Variants in PIK3C2G observed in about 807,000 individuals in gnomAD.
The protein encoded by PIK3C2G is phosphatidylinositol 3-kinase C2 domain-containing subunit gamma.
In PIK3C2G, 168 loss-of-function variants were observed where a neutral mutation model predicts 181.1. That is an observed-to-expected ratio of 0.93 (90% CI 0.82 to 1.05). PIK3C2G has a LOEUF of 1.05. Among genes scored for constraint, PIK3C2G ranks in the 50% least tolerant of loss-of-function variants. PIK3C2G has a pLI of 0.00. For missense variants in PIK3C2G, 1,869 were observed against 1,732.8 expected, an observed-to-expected ratio of 1.08 and a Z score of -1.40; for synonymous variants, 573 against 592.2, an observed-to-expected ratio of 0.97 and a Z score of 0.47.
At chr12:18,389,641 A>C (rs1218831965) in intron 14 of PIK3C2G, among the ~76,000 whole-genome samples, 1 of 152,198 alleles carries the variant, frequency 6.6e-6, no homozygotes, top group Non-Finnish European at 1.5e-5. Context: ...GTTTTGGGGA[A>C]GTTTTCTCTT....
intron 18 of PIK3C2G, among the ~76,000 whole-genome samples, chr12:18,467,549 T>A (rs984167583): frequency 6.6e-6 from 1 of 151,836 alleles, no homozygotes; most frequent in South Asian, 2.1e-4. Context: ...CAAGAACCAA[T>A]GTAAGACAAG....
intron 32 of PIK3C2G, among the ~76,000 whole-genome samples, chr12:18,640,835 C>T (rs1224659255): frequency 6.6e-6 from 1 of 152,130 alleles, no homozygotes; most frequent in African/African-American, 2.4e-5. Flanking sequence ...TTCCTGACTT[C>T]ATCTTATTTT....
intron 26 of PIK3C2G, among the ~76,000 whole-genome samples, chr12:18,549,224 A>T (rs993545005): frequency 1.3e-5 from 2 of 152,046 alleles, no homozygotes; most frequent in Non-Finnish European, 2.9e-5. Context: ...ACTGTCTTGT[A>T]TATCAGTTTA....
intron 26 of PIK3C2G, among the ~76,000 whole-genome samples, chr12:18,547,747 G>GCC (rs147525209): frequency 1.1e-3 from 171 of 152,066 alleles, no homozygotes; most frequent in Non-Finnish European, 1.5e-3. Context: ...CTTGAAAAAT[G>GCC]CCCTTTAATA....
At chr12:18,415,658 C>T (rs1431895214) in intron 16 of PIK3C2G, among the ~76,000 whole-genome samples, 3 of 152,178 alleles carry the variant, frequency 2.0e-5, no homozygotes, top group Non-Finnish European at 2.9e-5. Context: ...AGGCTAAAAG[C>T]TAGGCTTCTT....
chr12:18,264,004 C>T (rs1021408991), intron 1 of PIK3C2G, among the ~76,000 whole-genome samples: 1 of 152,088 alleles, frequency 6.6e-6, no homozygotes, highest in Non-Finnish European at 1.5e-5. Flanking sequence ...CAGTGCCACC[C>T]TTTTCTCATC....
chr12:18,719,687 TA>T, the PIK3C2G span: 12 of 1,268,438 alleles, frequency 9.5e-6, no homozygotes, highest in Admixed American at 9.2e-5. Flanking sequence ...ATTAGCAAGA[TA>T]AAAAACTACA....
chr12:18,516,438 A>G (rs1200895461), intron 24 of PIK3C2G, among the ~76,000 whole-genome samples: 1 of 151,978 alleles, frequency 6.6e-6, no homozygotes, highest in Non-Finnish European at 1.5e-5. Context: ...TAATTTGATT[A>G]TAATGTGTCT....
chr12:18,668,117 C>T, the PIK3C2G span, among the ~76,000 whole-genome samples: 5 of 152,264 alleles, frequency 3.3e-5, no homozygotes, highest in South Asian at 1.0e-3. Flanking sequence ...TTAGCCCCAA[C>T]TTGTATTATC....
chr12:18,694,845 A>G, the PIK3C2G span: 4 of 1,238,584 alleles, frequency 3.2e-6, no homozygotes, highest in African/African-American at 6.2e-5. Context: ...AATTCAAAAT[A>G]CTAATGTACA....
chr12:18,347,507 T>G (rs1939782612), intron 11 of PIK3C2G, among the ~76,000 whole-genome samples: 1 of 152,140 alleles, frequency 6.6e-6, no homozygotes, highest in African/African-American at 2.4e-5. Context: ...AATAAATAAT[T>G]TCAGTAAACA....
chr12:18,415,024 C>T (rs1945097888), intron 16 of PIK3C2G, among the ~76,000 whole-genome samples: 4 of 152,190 alleles, frequency 2.6e-5, no homozygotes, highest in Admixed American at 2.6e-4. Flanking sequence ...TTATTCCCAG[C>T]ATTTGCATAT....
At position 18,496,153 on chromosome 12, in the gene PIK3C2G, A is replaced by G. The variant is rs1298284211; in HGVS notation, c.2885A>G (p.Lys962Arg). 2 of 1,495,998 alleles carry G rather than the reference A, an allele frequency of 1.3e-6. No individual in the cohort carries two copies. The highest frequency in any genetic ancestry group is 1.8e-6 in the Non-Finnish European group (2 of 1,105,030). 92.7% of individuals were successfully genotyped at this position (1,495,998 alleles called of 1,614,324 possible). A position where few individuals can be genotyped will look rare whatever the true frequency, so the allele number is the denominator to read the frequency against. The change falls in exon 21 of 33, where the codon AAG becomes AGG. Residue 962 changes from lysine to arginine, a missense_variant and splice_region_variant. Physicochemically the swap from Lys to Arg is conservative, Grantham distance 26. Coordinates refer to ENST00000538779, the MANE Select transcript of PIK3C2G (RefSeq NM_001288772.2). ...GGCAAAAACATCAGCATTATTTTTA[A>G]GGTATGGTAGCGCTCTTAAAACATG... ...PMGKNISIIF[K>R]AGDDLRQDML...
At chr12:18,710,584 A>G in the PIK3C2G span, among the ~76,000 whole-genome samples, 1 of 152,092 alleles carries the variant, frequency 6.6e-6, no homozygotes, top group African/African-American at 2.4e-5. Context: ...ATATGTTGAG[A>G]TGAGATTGCA....
At chr12:18,285,494 T>C (rs1483945353) in intron 2 of PIK3C2G, 2 of 152,046 alleles carry the variant, frequency 1.3e-5, no homozygotes, top group African/African-American at 2.4e-5. Context: ...TACCAAGCAA[T>C]ATAATAGCAT....
intron 16 of PIK3C2G, among the ~76,000 whole-genome samples, chr12:18,404,611 A>T (rs1944419032): frequency 6.6e-6 from 1 of 152,212 alleles, no homozygotes; most frequent in Non-Finnish European, 1.5e-5. Context: ...GGGAAATGAC[A>T]TTCCAAGAAG....
At chr12:18,685,694 A>G in the PIK3C2G span, 30 of 510,138 alleles carry the variant, frequency 5.9e-5, no homozygotes, top group African/African-American at 4.6e-4. Context: ...GTACAGAGGC[A>G]GGTTTAGAGT....
At chr12:18,650,753 T>G (rs1173099318), downstream of PIK3C2G, among the ~76,000 whole-genome samples, 2 of 97,586 alleles carry the variant, frequency 2.0e-5, no homozygotes, top group African/African-American at 4.3e-5. Flanking sequence ...TATATATATA[T>G]ATATATATAT....
At chr12:18,463,918 T>C (rs1001961719) in intron 18 of PIK3C2G, among the ~76,000 whole-genome samples, 4 of 152,130 alleles carry the variant, frequency 2.6e-5, no homozygotes, top group African/African-American at 4.8e-5. Flanking sequence ...CTCTGCTCTT[T>C]ACTTGGTCTC....
Sources: allele counts gnomAD v4.1 joint callset (sites outside exome capture counted in the v4.1 genomes callset), GRCh38; gene constraint gnomAD v4.1.1; transcripts MANE v1.5; gene names NCBI Gene and HGNC (gene_info 2026-07-23, HGNC 2026-07-21).